The following SPIDR variants were observed in gnomAD, a reference collection of about 807,000 sequenced individuals.
SPIDR encodes scaffold protein involved in DNA repair, also known as DNA repair-scaffolding protein.
Under a neutral mutation model 104.6 loss-of-function variants are expected in SPIDR, and 93 were observed. The ratio of observed to expected loss-of-function variants is 0.89; its 90% CI spans 0.75 to 1.06. The LOEUF is 1.06. SPIDR is among the 50% of genes least tolerant of loss of function. SPIDR has a pLI of 0.00. For missense variants in SPIDR, 1,154 were observed against 1,111.2 expected (o/e 1.04, Z -0.55); for synonymous variants, 431 against 416.9 (o/e 1.03, Z -0.41).
At chr8:47,296,168 A>C (rs1586505548) in intron 5 of SPIDR, among the ~76,000 whole-genome samples, 1 of 152,096 alleles carries the variant, frequency 6.6e-6, no homozygotes, top group East Asian at 1.9e-4. Context: ...TCTATTTTAG[A>C]TATTAGCGCC....
intron 8 of SPIDR, among the ~76,000 whole-genome samples, chr8:47,503,540 G>A (rs1036093907): frequency 1.3e-5 from 2 of 152,154 alleles, no homozygotes; most frequent in African/African-American, 4.8e-5. Context: ...CTCTGCACGT[G>A]AGATGGGTTT....
intron 11 of SPIDR, among the ~76,000 whole-genome samples, chr8:47,679,768 A>G (rs1238784814): frequency 2.6e-5 from 4 of 152,208 alleles, no homozygotes; most frequent in African/African-American, 4.8e-5. Context: ...AGGTGTGTCA[A>G]TTGCATGCCC....
intron 5 of SPIDR, chr8:47,357,726 T>G (rs1253605407): frequency 3.6e-6 from 1 of 274,202 alleles, no homozygotes; most frequent in Admixed American, 6.5e-5. Context: ...TGCTTTTGTT[T>G]TGTTTTTCAC....
intron 8 of SPIDR, among the ~76,000 whole-genome samples, chr8:47,582,946 A>G (rs1475264392): frequency 6.6e-6 from 1 of 151,878 alleles, no homozygotes; most frequent in Non-Finnish European, 1.5e-5. Flanking sequence ...AAACTCTAGC[A>G]CTTAGACTTC....
At chr8:47,631,270 T>C (rs1231548447) in intron 10 of SPIDR, among the ~76,000 whole-genome samples, 2 of 152,210 alleles carry the variant, frequency 1.3e-5, no homozygotes, top group Non-Finnish European at 2.9e-5. Flanking sequence ...TTTGTAACCA[T>C]GGGGAAAAGA....
rs781850801 is a variant in SPIDR at position 47,396,452 on chromosome 8, A to AT, written c.604dup (p.Ser202PhefsTer43). On this transcript the variant is annotated frameshift_variant, in exon 6 of 20. Coordinates refer to ENST00000297423, the MANE Select transcript of SPIDR (RefSeq NM_001080394.4). LOFTEE classifies it high-confidence loss of function. ...GATTTGGAAAATGTCCTACTCATTG[A>AT]TTCAGAATCCCCTCACAAATACCAC... The AT allele has an allele frequency of 4.3e-6, 7 of 1,614,098 alleles. No individual in the cohort carries two copies. Among genetic ancestry groups the AT allele is most frequent in the Non-Finnish European group, 5.9e-6 (7 of 1,179,978 alleles).
At chr8:47,346,019 A>G (rs183604093) in intron 5 of SPIDR, among the ~76,000 whole-genome samples, 185 of 152,302 alleles carry the variant, frequency 1.2e-3, no homozygotes, top group Middle Eastern at 0.01. Context: ...ATGTGGTGAG[A>G]GAGGGCATGC....
rs35556300 is a variant in SPIDR at position 47,352,278 on chromosome 8, C to CAA, written c.526-44085_526-44084dup. ...GTGACAGAGCCAGACTCCATCTCAA[C>CAA]AAAAAAAAAAAAAAGAAAGAAAGAA... On this transcript the variant is annotated intron_variant, in intron 5 of 19. Coordinates refer to ENST00000297423, the MANE Select transcript of SPIDR (RefSeq NM_001080394.4). Among the ~76,000 whole-genome samples, 623 of 130,810 alleles carry CAA rather than the reference C, an allele frequency of 4.8e-3. 13 individuals carry two copies. In the East Asian group the frequency reaches 0.076, roughly 16 times the overall value. The allele number at this position is 130,810 out of a possible 152,430, so 85.8% of individuals were successfully genotyped here.
intron 11 of SPIDR, among the ~76,000 whole-genome samples, chr8:47,685,492 TA>T: frequency 7.8e-6 from 1 of 129,032 alleles, no homozygotes; most frequent in Admixed American, 8.5e-5. Context: ...TTTATTTATT[TA>T]TTTATTTATT....
At chr8:47,393,698 C>A (rs1200214673) in intron 5 of SPIDR, among the ~76,000 whole-genome samples, 7 of 130,802 alleles carry the variant, frequency 5.4e-5, no homozygotes, top group East Asian at 2.2e-4. Context: ...CTTTCCTTTC[C>A]TTTCCTTTCC....
chr8:47,612,180 A>G (rs555110658), intron 10 of SPIDR, among the ~76,000 whole-genome samples: 20 of 152,330 alleles, frequency 1.3e-4, no homozygotes, highest in African/African-American at 3.1e-4. Flanking sequence ...ATGCCTCCCA[A>G]TGAAATCAGA....
chr8:47,668,848 A>G (rs2075376320), intron 10 of SPIDR, among the ~76,000 whole-genome samples: 1 of 152,188 alleles, frequency 6.6e-6, no homozygotes, highest in African/African-American at 2.4e-5. Context: ...TTAAAATAGA[A>G]CACAAAACCA....
chr8:47,488,838 G>C (rs1426859734), intron 8 of SPIDR, among the ~76,000 whole-genome samples: 1 of 152,142 alleles, frequency 6.6e-6, no homozygotes, highest in African/African-American at 2.4e-5. Context: ...ATTAGGTATT[G>C]ATGGGACGTA....
At chr8:47,536,833 T>C (rs1346834988) in intron 8 of SPIDR, among the ~76,000 whole-genome samples, 3 of 152,188 alleles carry the variant, frequency 2.0e-5, no homozygotes, top group Admixed American at 6.5e-5. Flanking sequence ...TGTAAAGAAC[T>C]TGTACTCAGA....
intron 6 of SPIDR, among the ~76,000 whole-genome samples, chr8:47,405,260 G>A (rs1025421488): frequency 1.3e-5 from 2 of 151,820 alleles, no homozygotes; most frequent in Non-Finnish European, 2.9e-5. Flanking sequence ...TGTAGATGAC[G>A]AGTTAACGGG....
intron 5 of SPIDR, chr8:47,357,811 A>C: frequency 3.1e-6 from 3 of 976,650 alleles, no homozygotes; most frequent in Non-Finnish European, 3.6e-6. Context: ...AGAGGATATA[A>C]GGAGAAAGGA....
intron 5 of SPIDR, among the ~76,000 whole-genome samples, chr8:47,302,349 G>A (rs587750601): frequency 0.47 from 71,316 of 151,166 alleles, 20,453 homozygotes; most frequent in African/African-American, 0.82. Flanking sequence ...CATTTGTCTC[G>A]TTTTTTTCCA....
intron 8 of SPIDR, among the ~76,000 whole-genome samples, chr8:47,543,697 C>G (rs1390873319): frequency 6.6e-6 from 1 of 152,110 alleles, no homozygotes. Context: ...TAGCATGATC[C>G]AGGGGTGGAA....
intron 19 of SPIDR, among the ~76,000 whole-genome samples, chr8:47,733,702 C>A (rs1227323685): frequency 6.6e-6 from 1 of 152,044 alleles, no homozygotes; most frequent in African/African-American, 2.4e-5. Context: ...TCACTGCCAT[C>A]TCTTCAGTGA....
Sources: allele counts gnomAD v4.1 joint callset (sites outside exome capture counted in the v4.1 genomes callset), GRCh38; gene constraint gnomAD v4.1.1; transcripts MANE v1.5; gene names NCBI Gene and HGNC (gene_info 2026-07-23, HGNC 2026-07-21).